GRID1: variants seen among roughly 807,000 people sequenced by gnomAD.
The protein encoded by GRID1 is glutamate ionotropic receptor delta type subunit 1.
In GRID1, 28 loss-of-function variants were observed where a neutral mutation model predicts 98.0. The ratio of observed to expected loss-of-function variants is 0.29; its 90% CI spans 0.21 to 0.39. The LOEUF is 0.39. Among genes scored for constraint, GRID1 ranks in the 10% least tolerant of loss-of-function variants. GRID1 has a pLI of 1.00. For synonymous variants in GRID1, 553 were observed against 538.5 expected, an observed-to-expected ratio of 1.03 and a Z score of -0.37; for missense variants, 1,111 against 1,340.5, an observed-to-expected ratio of 0.83 and a Z score of 2.67.
chr10:86,120,020 CG>C (rs201580937), intron 4 of GRID1, among the ~76,000 whole-genome samples: 1 of 151,994 alleles, frequency 6.6e-6, no homozygotes, highest in East Asian at 1.9e-4. Context: ...AAGATGGTCT[CG>C]ATCTCCTGAC....
intron 8 of GRID1, among the ~76,000 whole-genome samples, chr10:85,800,462 A>G (rs906859415): frequency 2.0e-5 from 3 of 152,090 alleles, no homozygotes; most frequent in African/African-American, 7.2e-5. Flanking sequence ...AAATAACTCC[A>G]AGATCATAGA....
At chr10:85,879,342 C>G (rs2131801540) in intron 5 of GRID1, among the ~76,000 whole-genome samples, 1 of 152,318 alleles carries the variant, frequency 6.6e-6, no homozygotes, top group Non-Finnish European at 1.5e-5. Flanking sequence ...CACACCACAC[C>G]TATTCCAAAA....
chr10:86,181,609 T>C (rs1043345359), intron 3 of GRID1, among the ~76,000 whole-genome samples: 2 of 152,158 alleles, frequency 1.3e-5, no homozygotes, highest in African/African-American at 2.4e-5. Flanking sequence ...CCTTGAAGTA[T>C]AGACACTTTA....
At chr10:86,197,049 CA>C (rs1191534056) in intron 3 of GRID1, among the ~76,000 whole-genome samples, 1 of 151,964 alleles carries the variant, frequency 6.6e-6, no homozygotes, top group Non-Finnish European at 1.5e-5. Flanking sequence ...ACCAAGCAAA[CA>C]AAACTGCCTG....
chr10:86,121,506 C>T (rs1165839191), intron 4 of GRID1, among the ~76,000 whole-genome samples: 6 of 6,230 alleles, frequency 9.6e-4, no homozygotes, highest in East Asian at 0.01. Context: ...TCACCATCAC[C>T]ATCATCATCA....
chr10:85,651,392 G>A (rs1269633791), intron 12 of GRID1, among the ~76,000 whole-genome samples: 1 of 152,192 alleles, frequency 6.6e-6, no homozygotes, highest in Admixed American at 6.5e-5. Flanking sequence ...AGGCTCATGT[G>A]ATTGGAGCCT....
At chr10:85,981,528 G>A (rs1842544513) in intron 4 of GRID1, among the ~76,000 whole-genome samples, 1 of 152,174 alleles carries the variant, frequency 6.6e-6, no homozygotes, top group South Asian at 2.1e-4. Context: ...TCCTTCAAAT[G>A]TACATCAATG....
chr10:86,040,249 A>C (rs551020573), intron 4 of GRID1, among the ~76,000 whole-genome samples: 3 of 152,336 alleles, frequency 2.0e-5, no homozygotes, highest in African/African-American at 4.8e-5. Context: ...CAGGGTATAT[A>C]TCCAAAGGAA....
At chr10:86,156,492 TG>T (rs1236900480) in intron 3 of GRID1, among the ~76,000 whole-genome samples, 1 of 152,014 alleles carries the variant, frequency 6.6e-6, no homozygotes, top group Non-Finnish European at 1.5e-5. Context: ...TCTTGTCCAA[TG>T]GGGGAAGCTG....
intron 5 of GRID1, among the ~76,000 whole-genome samples, chr10:85,889,323 C>T (rs1253236151): frequency 6.6e-6 from 1 of 152,176 alleles, no homozygotes; most frequent in Non-Finnish European, 1.5e-5. Flanking sequence ...ACCAACTTCT[C>T]TCCAATCTCC....
chr10:86,062,428 A>T (rs1246840346), intron 4 of GRID1, among the ~76,000 whole-genome samples: 28 of 152,070 alleles, frequency 1.8e-4, no homozygotes, highest in Non-Finnish European at 1.5e-5. Flanking sequence ...TCCCACTCAG[A>T]TTCGCTTCCA....
At chr10:86,326,606 A>G (rs1290867289) in intron 2 of GRID1, among the ~76,000 whole-genome samples, 1 of 152,252 alleles carries the variant, frequency 6.6e-6, no homozygotes, top group African/African-American at 2.4e-5. Context: ...TCAAATAAAG[A>G]GAAGAACAAT....
intron 12 of GRID1, chr10:85,648,065 T>A (rs1843220336): frequency 6.6e-6 from 1 of 152,186 alleles, no homozygotes; most frequent in Admixed American, 6.5e-5. Context: ...GATTTTTATA[T>A]CTCTCCTGAT....
chr10:85,934,063 T>C (rs772834915), intron 4 of GRID1, among the ~76,000 whole-genome samples: 2 of 152,114 alleles, frequency 1.3e-5, no homozygotes, highest in African/African-American at 2.4e-5. Context: ...ACTGATGCTG[T>C]CTCTTTCCTC....
intron 10 of GRID1, among the ~76,000 whole-genome samples, chr10:85,725,728 G>A (rs1193133826): frequency 6.6e-6 from 1 of 152,174 alleles, no homozygotes; most frequent in Non-Finnish European, 1.5e-5. Flanking sequence ...GGAAACACAC[G>A]TGGAAGGATT....
intron 4 of GRID1, among the ~76,000 whole-genome samples, chr10:85,977,088 T>C (rs1215448971): frequency 1.3e-5 from 2 of 152,230 alleles, no homozygotes; most frequent in African/African-American, 2.4e-5. Context: ...GCTTAAATCC[T>C]GGGACATACT....
At chr10:86,031,510 T>C (rs1843185485) in intron 4 of GRID1, among the ~76,000 whole-genome samples, 1 of 152,230 alleles carries the variant, frequency 6.6e-6, no homozygotes, top group East Asian at 1.9e-4. Flanking sequence ...CTCAACATGA[T>C]GAAATATACC....
chr10:86,222,876 G>A (rs1846279841), intron 2 of GRID1, among the ~76,000 whole-genome samples: 1 of 152,158 alleles, frequency 6.6e-6, no homozygotes, highest in Admixed American at 6.5e-5. Context: ...GTCAGGCAAG[G>A]GCTAGGAGTG....
At chr10:85,905,612 C>T (rs990355920) in intron 5 of GRID1, among the ~76,000 whole-genome samples, 16 of 151,872 alleles carry the variant, frequency 1.1e-4, no homozygotes, top group Admixed American at 1.3e-4. Flanking sequence ...TACATTGAGT[C>T]GGGAGGGTAA....
Sources: allele counts gnomAD v4.1 joint callset (sites outside exome capture counted in the v4.1 genomes callset), GRCh38; gene constraint gnomAD v4.1.1; transcripts MANE v1.5; gene names NCBI Gene and HGNC (gene_info 2026-07-23, HGNC 2026-07-21).